KALRN: variants seen among roughly 807,000 people sequenced by gnomAD.
KALRN encodes the protein kalirin.
Under a neutral mutation model 353.7 loss-of-function variants are expected in KALRN, and 70 were observed. The ratio of observed to expected loss-of-function variants is 0.20; its 90% CI spans 0.16 to 0.24. The LOEUF (loss-of-function observed/expected upper bound fraction) is 0.24. Among genes scored for constraint, KALRN ranks in the 10% least tolerant of loss-of-function variants. The pLI is 1.00. For synonymous variants in KALRN, 1,391 were observed against 1,434.8 expected (o/e 0.97, Z 0.69); for missense variants, 2,791 against 3,756.7 (o/e 0.74, Z 6.72).
At chr3:124,546,412 C>T (rs1038751386) in intron 33 of KALRN, among the ~76,000 whole-genome samples, 3 of 151,962 alleles carry the variant, frequency 2.0e-5, no homozygotes, top group African/African-American at 7.3e-5. Context: ...TGCAATAAAC[C>T]GTGGTCATGC....
intron 51 of KALRN, among the ~76,000 whole-genome samples, chr3:124,684,528 T>C (rs1355069577): frequency 6.6e-6 from 1 of 152,210 alleles, no homozygotes; most frequent in Non-Finnish European, 1.5e-5. Flanking sequence ...TACCGCCAGC[T>C]ATGAGACTGC....
chr3:124,075,395 G>T lies in KALRN; in HGVS notation c.73+41582G>T, dbSNP rs554569503. Reference sequence around the variant, plus strand: ...CCATCAAGGAGGGCAAGTTGGGAAGGATTTTCATTCTTGAGGACACCACTT... The same window carrying T: ...CCATCAAGGAGGGCAAGTTGGGAAGTATTTTCATTCTTGAGGACACCACTT... On this transcript the variant is annotated intron_variant, in intron 1 of 59. Transcript: ENST00000682506. 7.2e-5 allele frequency among the ~76,000 whole-genome samples: 11 copies of T among 152,314 alleles called. No individual in the cohort carries two copies. The East Asian group carries it at 2.1e-3, about 29-fold the overall frequency.
chr3:124,101,870 A>T (rs1490861053), intron 1 of KALRN, among the ~76,000 whole-genome samples: 2 of 152,082 alleles, frequency 1.3e-5, no homozygotes, highest in Non-Finnish European at 2.9e-5. Flanking sequence ...TGGACTCTGG[A>T]TACCCACTGT....
At chr3:124,039,250 C>A (rs1029245871) in intron 1 of KALRN, among the ~76,000 whole-genome samples, 1 of 152,210 alleles carries the variant, frequency 6.6e-6, no homozygotes. Context: ...CCAACACAGT[C>A]TTTAAGACTT....
At chr3:124,191,903 T>G (rs2074958222) in intron 1 of KALRN, among the ~76,000 whole-genome samples, 1 of 152,238 alleles carries the variant, frequency 6.6e-6, no homozygotes, top group African/African-American at 2.4e-5. Flanking sequence ...AGACTCTGTC[T>G]TTTAATGGGA....
chr3:124,462,376 C>G (rs747781899), intron 24 of KALRN, 148 bp from the exon 25 acceptor site: 5 of 575,168 alleles, frequency 8.7e-6, no homozygotes, highest in Non-Finnish European at 1.6e-5. Flanking sequence ...ATTTCTTTCT[C>G]TTATGTTTAC....
chr3:124,417,452 A>G (rs2150314450), intron 14 of KALRN, among the ~76,000 whole-genome samples: 1 of 152,200 alleles, frequency 6.6e-6, no homozygotes. Context: ...AACGTACCCT[A>G]TGGATATGTT....
intron 55 of KALRN, among the ~76,000 whole-genome samples, chr3:124,698,068 C>T (rs946310618): frequency 2.0e-5 from 3 of 152,184 alleles, no homozygotes; most frequent in East Asian, 1.9e-4. Flanking sequence ...CTCCTGGGCT[C>T]AAGCCAACCT....
intron 1 of KALRN, among the ~76,000 whole-genome samples, chr3:124,091,320 TATTGCCTTC>T (rs2061107581): frequency 1.3e-5 from 2 of 152,204 alleles, no homozygotes; most frequent in Non-Finnish European, 2.9e-5. Context: ...CTACCTCCTG[TATTGCCTTC>T]ACTTGCCAGA....
chr3:124,579,730 C>A lies in KALRN; in HGVS notation c.5182+16641C>A, dbSNP rs79355550. ...CCCACATTGTTATAGCAAAATACCC[C>A]CAGCTGCTTTAGGCTAACATTCCAT... On this transcript the variant is annotated intron_variant, in intron 34 of 59. Coordinates refer to ENST00000682506, the MANE Select transcript of KALRN (RefSeq NM_001388419.1). Among the ~76,000 whole-genome samples the A allele has an allele frequency of 7.9e-3, 1,199 of 152,274 alleles. 15 individuals carry two copies. The highest frequency in any genetic ancestry group is 0.026 in the African/African-American group (1,065 of 41,554).
At chr3:124,120,810 A>G (rs1279856414) in intron 1 of KALRN, among the ~76,000 whole-genome samples, 1 of 149,922 alleles carries the variant, frequency 6.7e-6, no homozygotes, top group African/African-American at 2.5e-5. Context: ...TTAGCAGAAT[A>G]TAAAAGAATT....
chr3:124,320,044 G>A (rs955418881), intron 6 of KALRN, among the ~76,000 whole-genome samples: 1 of 152,108 alleles, frequency 6.6e-6, no homozygotes, highest in Non-Finnish European at 1.5e-5. Context: ...GTATTTGGGT[G>A]TGCTTCCCTC....
intron 17 of KALRN, among the ~76,000 whole-genome samples, chr3:124,437,568 T>C (rs1429789713): frequency 6.6e-6 from 1 of 151,512 alleles, no homozygotes; most frequent in Non-Finnish European, 1.5e-5. Flanking sequence ...TGAGCGACTG[T>C]AATCCCAGCT....
At chr3:124,593,880 A>T (rs61587110) in intron 34 of KALRN, among the ~76,000 whole-genome samples, 16,883 of 152,076 alleles carry the variant, frequency 0.11, 2,131 homozygotes, top group East Asian at 0.43. Flanking sequence ...CCCCTGCCAA[A>T]CGAGGTCTTG....
chr3:124,668,918 T>G (rs1255402210), intron 47 of KALRN, among the ~76,000 whole-genome samples: 5 of 152,232 alleles, frequency 3.3e-5, no homozygotes, highest in Admixed American at 6.5e-5. Flanking sequence ...AAGCTGAAAT[T>G]AGGAATTTTA....
At chr3:124,045,416 G>C (rs2040384983) in intron 1 of KALRN, among the ~76,000 whole-genome samples, 1 of 152,194 alleles carries the variant, frequency 6.6e-6, no homozygotes, top group Non-Finnish European at 1.5e-5. Flanking sequence ...AGCCTCTTCT[G>C]TGTACACCAG....
chr3:124,094,999 G>A, intron 1 of KALRN: 2 of 1,177,154 alleles, frequency 1.7e-6, no homozygotes, highest in Non-Finnish European at 2.5e-6. Flanking sequence ...AGCAGAGAGG[G>A]GAGGGGGGTC....
chr3:124,069,451 C>T (rs1291379877), intron 1 of KALRN, among the ~76,000 whole-genome samples: 2 of 152,098 alleles, frequency 1.3e-5, no homozygotes, highest in Non-Finnish European at 2.9e-5. Flanking sequence ...CCCTCTATGT[C>T]GTGCACAGCC....
intron 34 of KALRN, among the ~76,000 whole-genome samples, chr3:124,611,911 G>A (rs2078018380): frequency 6.6e-6 from 1 of 152,220 alleles, no homozygotes; most frequent in African/African-American, 2.4e-5. Context: ...TCATGTGGCT[G>A]GTTCACTCCC....
Sources: allele counts gnomAD v4.1 joint callset (sites outside exome capture counted in the v4.1 genomes callset), GRCh38; gene constraint gnomAD v4.1.1; transcripts MANE v1.5; gene names NCBI Gene and HGNC (gene_info 2026-07-23, HGNC 2026-07-21).